The following CDH12 variants were observed in gnomAD, a reference collection of about 807,000 sequenced individuals.
CDH12 encodes the protein cadherin 12, also known as cadherin-12.
CDH12 carries 41 observed loss-of-function variants against 74.1 expected under a neutral mutation model. The observed-to-expected ratio is 0.55, with a 90% CI of 0.43 to 0.72. The LOEUF (loss-of-function observed/expected upper bound fraction) is 0.72, where lower values mean the gene tolerates loss of function less well. Among genes scored for constraint, CDH12 ranks in the 30% least tolerant of loss-of-function variants. The pLI is 0.00. For synonymous variants in CDH12, 399 were observed against 355.0 expected (o/e 1.12, Z -1.39); for missense variants, 945 against 977.2 (o/e 0.97, Z 0.44).
At chr5:22,323,015 A>G (rs929312670) in intron 3 of CDH12, among the ~76,000 whole-genome samples, 1 of 152,204 alleles carries the variant, frequency 6.6e-6, no homozygotes, top group Non-Finnish European at 1.5e-5. Context: ...AAATTGTGAA[A>G]TGACTTGTCA....
chr5:21,968,996 G>C (rs1756712618), intron 6 of CDH12, among the ~76,000 whole-genome samples: 4 of 151,908 alleles, frequency 2.6e-5, no homozygotes, highest in Admixed American at 2.0e-4. Flanking sequence ...AGGGTAGGGA[G>C]GGGGAGCATT....
chr5:22,404,340 A>T (rs1243268749), intron 3 of CDH12, among the ~76,000 whole-genome samples: 1 of 152,078 alleles, frequency 6.6e-6, no homozygotes, highest in African/African-American at 2.4e-5. Context: ...CTTCTTTCCA[A>T]TATACAGTCT....
chr5:22,227,719 G>T (rs760146320), intron 3 of CDH12, among the ~76,000 whole-genome samples: 11 of 152,094 alleles, frequency 7.2e-5, no homozygotes, highest in Non-Finnish European at 1.5e-4. Context: ...TGGAAAGTGT[G>T]TGATTCTCTA....
intron 2 of CDH12, among the ~76,000 whole-genome samples, chr5:22,421,292 A>G (rs762604060): frequency 7.9e-5 from 12 of 152,136 alleles, no homozygotes; most frequent in Non-Finnish European, 1.2e-4. Context: ...GCACCCATCA[A>G]TCTGTCATCT....
intron 6 of CDH12, among the ~76,000 whole-genome samples, chr5:21,884,893 CT>C (rs1752547534): frequency 6.6e-6 from 1 of 150,822 alleles, no homozygotes; most frequent in African/African-American, 2.4e-5. Context: ...TGCTTGTTTG[CT>C]TGTTTGTTGA....
chr5:22,834,831 G>A (rs955376127), intron 1 of CDH12, among the ~76,000 whole-genome samples: 5 of 151,568 alleles, frequency 3.3e-5, no homozygotes, highest in Admixed American at 1.3e-4. Flanking sequence ...GGAAAGAAAA[G>A]CAAAGGAAAG....
intron 2 of CDH12, among the ~76,000 whole-genome samples, chr5:22,410,099 T>A (rs968047985): frequency 2.0e-5 from 3 of 152,062 alleles, no homozygotes; most frequent in Non-Finnish European, 4.4e-5. Flanking sequence ...CATGTTACTT[T>A]GTTGGGGCTC....
intron 6 of CDH12, among the ~76,000 whole-genome samples, chr5:21,964,716 G>T (rs1756507256): frequency 6.6e-6 from 1 of 151,904 alleles, no homozygotes; most frequent in Non-Finnish European, 1.5e-5. Context: ...TTCAAGTAAT[G>T]CATAAACAAG....
At chr5:22,567,430 T>C (rs1739340138) in intron 1 of CDH12, among the ~76,000 whole-genome samples, 1 of 152,220 alleles carries the variant, frequency 6.6e-6, no homozygotes, top group Admixed American at 6.5e-5. Context: ...GTCTTATCTC[T>C]CAATGTCAGG....
intron 1 of CDH12, among the ~76,000 whole-genome samples, chr5:22,745,817 G>A (rs560906162): frequency 1.3e-5 from 2 of 152,112 alleles, no homozygotes; most frequent in Admixed American, 6.5e-5. Flanking sequence ...ATGGGTACGA[G>A]GCTTAATACC....
At chr5:22,040,539 G>A (rs1739506038) in intron 5 of CDH12, among the ~76,000 whole-genome samples, 1 of 152,058 alleles carries the variant, frequency 6.6e-6, no homozygotes, top group Non-Finnish European at 1.5e-5. Context: ...GTCCAAGAGA[G>A]AATTTTAAAA....
In CDH12 at chr5:22,787,765, A is replaced by G. The variant is rs184592786; in HGVS notation, c.-523+65293T>C. Among the ~76,000 whole-genome samples the G allele has an allele frequency of 1.7e-3, 260 of 152,306 alleles. 2 individuals carry two copies. Among genetic ancestry groups the G allele is most frequent in the East Asian group, 0.014 (71 of 5,182 alleles). ...AACTGGGAAATTGGCTTATACATGCACATACGGCTGTTAGCAGGTCCTCAC... is the reference window on the plus strand; with the variant it reads ...AACTGGGAAATTGGCTTATACATGCGCATACGGCTGTTAGCAGGTCCTCAC... On this transcript the variant is annotated intron_variant, in intron 1 of 14. Coordinates refer to ENST00000382254, the MANE Select transcript of CDH12 (RefSeq NM_004061.5).
intron 3 of CDH12, among the ~76,000 whole-genome samples, chr5:22,304,360 G>A (rs952381661): frequency 4.6e-5 from 7 of 152,086 alleles, no homozygotes; most frequent in South Asian, 2.1e-4. Flanking sequence ...GTGTGTGCAC[G>A]TACTTATGTT....
chr5:22,493,686 C>T lies in CDH12; in HGVS notation c.-428+11584G>A, dbSNP rs1746984095. On this transcript the variant is annotated intron_variant, in intron 2 of 14. Coordinates refer to ENST00000382254, the MANE Select transcript of CDH12 (RefSeq NM_004061.5). ...ATGAATAAAAGAGGAGAAAGCCATT[C>T]CATTAAGATGGAAAAGTTTATGGAT... is the stretch of plus-strand genomic sequence containing the variant. Among the ~76,000 whole-genome samples the T allele has an allele frequency of 1.3e-5, 2 of 151,752 alleles. 1 individual carries two copies. Among genetic ancestry groups the T allele is most frequent in the South Asian group, 4.2e-4 (2 of 4,810 alleles).
At chr5:22,073,224 TTA>T (rs1742077247) in intron 5 of CDH12, among the ~76,000 whole-genome samples, 1 of 152,156 alleles carries the variant, frequency 6.6e-6, no homozygotes, top group Non-Finnish European at 1.5e-5. Context: ...AAACTAGGGT[TTA>T]TATATGTTTT....
chr5:22,620,828 T>A (rs1269922483), intron 1 of CDH12, among the ~76,000 whole-genome samples: 1 of 152,136 alleles, frequency 6.6e-6, no homozygotes, highest in Non-Finnish European at 1.5e-5. Flanking sequence ...AAAGAAAACA[T>A]TATAATGGAT....
At chr5:22,656,231 G>A (rs72637792) in intron 1 of CDH12, among the ~76,000 whole-genome samples, 17,851 of 151,982 alleles carry the variant, frequency 0.12, 1,354 homozygotes, top group East Asian at 0.43. Context: ...CACATGTTCT[G>A]CATTATTTTG....
intron 1 of CDH12, among the ~76,000 whole-genome samples, chr5:22,734,525 A>G (rs902327360): frequency 6.6e-6 from 1 of 151,910 alleles, no homozygotes; most frequent in African/African-American, 2.4e-5. Flanking sequence ...GGCTATAGTC[A>G]TTAATTTAGG....
intron 3 of CDH12, among the ~76,000 whole-genome samples, chr5:22,227,620 A>G (rs892181619): frequency 5.3e-5 from 8 of 152,160 alleles, no homozygotes; most frequent in Admixed American, 2.6e-4. Flanking sequence ...ATCTCAGTGC[A>G]ACAGACCTTC....
Sources: gnomAD v4.1 joint callset for allele counts (sites outside exome capture counted in the v4.1 genomes callset) on GRCh38, gnomAD v4.1.1 for gene constraint, MANE v1.5 for transcripts, NCBI Gene and HGNC (gene_info 2026-07-23, HGNC 2026-07-21) for gene names.